Variants in INPP5A observed in about 807,000 individuals in gnomAD.
The protein encoded by INPP5A is 43 kDa inositol polyphosphate 5-phophatase.
In INPP5A, 14 loss-of-function variants were observed where a neutral mutation model predicts 65.2. The observed-to-expected ratio is 0.21, with a 90% CI of 0.14 to 0.34. INPP5A has a LOEUF of 0.34. Ranked by LOEUF, INPP5A falls within the 10% of genes least tolerant of loss-of-function variation. The probability of loss-of-function intolerance (pLI) is 1.00; values close to 1 mark genes in which losing one functional copy is unlikely to be tolerated. For missense variants in INPP5A, 431 were observed against 545.6 expected (o/e 0.79, Z 2.09); for synonymous variants, 207 against 208.3 (o/e 0.99, Z 0.05).
intron 5 of INPP5A, among the ~76,000 whole-genome samples, chr10:132,692,218 G>A (rs759082094): frequency 9.9e-5 from 15 of 152,166 alleles, no homozygotes; most frequent in Admixed American, 3.3e-4. Flanking sequence ...GAGCTGGAAG[G>A]TGTTAGAAAC....
intron 1 of INPP5A, among the ~76,000 whole-genome samples, chr10:132,562,420 G>A (rs141861157): frequency 9.8e-5 from 15 of 152,364 alleles, no homozygotes; most frequent in Non-Finnish European, 1.9e-4. Context: ...TGGGCCTGGG[G>A]GTGGCTCCCC....
At chr10:132,624,536 C>A (rs948155609) in intron 2 of INPP5A, among the ~76,000 whole-genome samples, 1 of 150,468 alleles carries the variant, frequency 6.6e-6, no homozygotes, top group African/African-American at 2.4e-5. Flanking sequence ...GTCTGCACTT[C>A]CCACTGGCGT....
intron 11 of INPP5A, among the ~76,000 whole-genome samples, chr10:132,752,563 G>A (rs112614666): frequency 5.6e-5 from 8 of 143,116 alleles, no homozygotes; most frequent in African/African-American, 1.3e-4. Flanking sequence ...GAGGTGTGGC[G>A]TGGAGGGGAG....
At chr10:132,653,315 A>T (rs1230508342) in intron 4 of INPP5A, among the ~76,000 whole-genome samples, 2 of 151,930 alleles carry the variant, frequency 1.3e-5, no homozygotes, top group Non-Finnish European at 1.5e-5. Flanking sequence ...CAGGCCCCCG[A>T]GGGCTGCGGC....
intron 2 of INPP5A, 75 bp from the exon 3 acceptor site, chr10:132,645,793 G>T (rs746573406): frequency 8.1e-5 from 92 of 1,141,124 alleles, no homozygotes; most frequent in Admixed American, 5.0e-4. Flanking sequence ...CTGTGGGGGC[G>T]GTGGAGGGGG....
intron 8 of INPP5A, among the ~76,000 whole-genome samples, chr10:132,723,346 C>CTAA (rs1339693329): frequency 6.6e-6 from 1 of 152,224 alleles, no homozygotes; most frequent in East Asian, 1.9e-4. Flanking sequence ...CTGGGGAACT[C>CTAA]ATTAGAGTTT....
rs188889738 is a variant in INPP5A, at chr10:132,577,228, C to G, written c.76-30687C>G. ...CTGAGTGCAGGTGGGTTGCTCCCCCCCGGCACGCCGCCCGTGGTGCATCAC... is the reference window on the plus strand; with the variant it reads ...CTGAGTGCAGGTGGGTTGCTCCCCCGCGGCACGCCGCCCGTGGTGCATCAC... On this transcript the variant is annotated intron_variant, in intron 1 of 15. Coordinates refer to ENST00000368594, the MANE Select transcript of INPP5A (RefSeq NM_005539.5). 8.8e-3 allele frequency among the ~76,000 whole-genome samples: 1,333 copies of G among 152,278 alleles called. 15 individuals are homozygous for G. Among genetic ancestry groups the G allele is most frequent in the African/African-American group, 0.03 (1,234 of 41,556 alleles).
At chr10:132,662,662 C>T (rs560420037) in intron 4 of INPP5A, among the ~76,000 whole-genome samples, 7 of 152,250 alleles carry the variant, frequency 4.6e-5, no homozygotes, top group South Asian at 2.1e-4. Flanking sequence ...GAGGGGAGCA[C>T]GGTAGATCCC....
chr10:132,718,028 T>C (rs963012253), intron 8 of INPP5A, among the ~76,000 whole-genome samples: 1 of 146,360 alleles, frequency 6.8e-6, no homozygotes, highest in African/African-American at 2.5e-5. Context: ...GAGTTCTGTC[T>C]GGGCGCCTTA....
At chr10:132,559,764 TTAC>T (rs1290232314) in intron 1 of INPP5A, among the ~76,000 whole-genome samples, 1 of 152,144 alleles carries the variant, frequency 6.6e-6, no homozygotes, top group African/African-American at 2.4e-5. Flanking sequence ...GGGACCTCAG[TTAC>T]TTAGCATGTG....
At chr10:132,629,716 G>C (rs1034970441) in intron 2 of INPP5A, among the ~76,000 whole-genome samples, 3 of 152,148 alleles carry the variant, frequency 2.0e-5, no homozygotes, top group Non-Finnish European at 4.4e-5. Context: ...CATGAGGGGT[G>C]GGTATCCACA....
At chr10:132,761,070 A>G (rs552071389) in intron 11 of INPP5A, among the ~76,000 whole-genome samples, 10 of 152,342 alleles carry the variant, frequency 6.6e-5, no homozygotes, top group Non-Finnish European at 1.2e-4. Flanking sequence ...TTCTTAGACT[A>G]AAAATGTGCT....
At position 132,689,149 on chromosome 10, in the gene INPP5A, A is replaced by C. The variant is rs538109573; in HGVS notation, c.307-1243A>C. Among the ~76,000 whole-genome samples, 290 of 152,352 alleles carry C rather than the reference A, an allele frequency of 1.9e-3. 2 individuals are homozygous for C. Among genetic ancestry groups the C allele is most frequent in the African/African-American group, 6.7e-3 (280 of 41,570 alleles). ...TTGCCCTTGTGTTGCCCACAGGCTCACACAGACACAGTGAGGGATGCACCA... is the reference window on the plus strand; with the variant it reads ...TTGCCCTTGTGTTGCCCACAGGCTCCCACAGACACAGTGAGGGATGCACCA... On this transcript the variant is annotated intron_variant, in intron 4 of 15. Coordinates refer to ENST00000368594, the MANE Select transcript of INPP5A (RefSeq NM_005539.5).
intron 9 of INPP5A, among the ~76,000 whole-genome samples, chr10:132,746,459 G>A (rs1037148756): frequency 1.3e-5 from 2 of 152,170 alleles, no homozygotes; most frequent in East Asian, 1.9e-4. Context: ...ATGCAGCTCC[G>A]TGCACATCCG....
intron 1 of INPP5A, among the ~76,000 whole-genome samples, chr10:132,571,363 G>A (rs1434750724): frequency 1.3e-5 from 2 of 152,198 alleles, no homozygotes; most frequent in Admixed American, 1.3e-4. Context: ...TGGCACGCCG[G>A]GCTCTGCCAC....
At chr10:132,780,736 G>T in intron 13 of INPP5A, 113 bp from the exon 14 acceptor site, 2 of 872,094 alleles carry the variant, frequency 2.3e-6, no homozygotes, top group South Asian at 2.7e-5. Flanking sequence ...GGCAGGGGCC[G>T]ACATCCCCAT....
chr10:132,709,079 A>G (rs2134527070), intron 7 of INPP5A, among the ~76,000 whole-genome samples: 1 of 151,636 alleles, frequency 6.6e-6, no homozygotes, highest in African/African-American at 2.4e-5. Context: ...TGAGTGTCTC[A>G]GGACCCAGGA....
intron 1 of INPP5A, among the ~76,000 whole-genome samples, chr10:132,596,937 A>G (rs924546580): frequency 0.016 from 409 of 25,362 alleles, 2 homozygotes; most frequent in African/African-American, 0.051. Context: ...ATGTGCACGC[A>G]TGTGTGCGTG....
intron 1 of INPP5A, among the ~76,000 whole-genome samples, chr10:132,552,027 T>C (rs190422997): frequency 1.3e-3 from 196 of 152,356 alleles, no homozygotes; most frequent in Non-Finnish European, 2.2e-3. Context: ...TGAGGCTGTG[T>C]CCTCCTGCAT....
Sources: allele counts gnomAD v4.1 joint callset (sites outside exome capture counted in the v4.1 genomes callset), GRCh38; gene constraint gnomAD v4.1.1; transcripts MANE v1.5; gene names NCBI Gene and HGNC (gene_info 2026-07-23, HGNC 2026-07-21).